HNF4G: variants seen among roughly 807,000 people sequenced by gnomAD.
The protein encoded by HNF4G is hepatocyte nuclear factor 4-gamma.
HNF4G carries 21 observed loss-of-function variants against 50.9 expected under a neutral mutation model. The ratio of observed to expected loss-of-function variants is 0.41; its 90% CI spans 0.29 to 0.59. HNF4G has a LOEUF of 0.59. HNF4G is among the 20% of genes least tolerant of loss of function. The pLI, the probability that HNF4G is intolerant of heterozygous loss-of-function variation, is 0.26. For synonymous variants in HNF4G, 198 were observed against 185.6 expected, an observed-to-expected ratio of 1.07 and a Z score of -0.54; for missense variants, 527 against 559.4, an observed-to-expected ratio of 0.94 and a Z score of 0.58.
At chr8:75,450,845 T>C (rs1360055472) in intron 1 of HNF4G, among the ~76,000 whole-genome samples, 2 of 152,238 alleles carry the variant, frequency 1.3e-5, no homozygotes, top group Admixed American at 6.5e-5. Context: ...GAGTGGGTCA[T>C]TATCTCTAGA....
intron 1 of HNF4G, among the ~76,000 whole-genome samples, chr8:75,446,964 G>A (rs1038421957): frequency 7.0e-5 from 10 of 143,540 alleles, no homozygotes; most frequent in East Asian, 4.2e-4. Flanking sequence ...AAAAGAGCCC[G>A]CATCGCCAAG....
intron 1 of HNF4G, among the ~76,000 whole-genome samples, chr8:75,469,516 G>A (rs1035662829): frequency 6.6e-6 from 1 of 152,070 alleles, no homozygotes; most frequent in Non-Finnish European, 1.5e-5. Flanking sequence ...AATTAAAAAG[G>A]TTACTACTCA....
At chr8:75,430,577 G>A (rs1206703834) in intron 1 of HNF4G, among the ~76,000 whole-genome samples, 1 of 151,634 alleles carries the variant, frequency 6.6e-6, no homozygotes, top group Non-Finnish European at 1.5e-5. Flanking sequence ...TGAAGGAAAA[G>A]GAAAGTTTCA....
chr8:75,440,060 A>G (rs1157858571), intron 1 of HNF4G, among the ~76,000 whole-genome samples: 1 of 152,136 alleles, frequency 6.6e-6, no homozygotes, highest in Admixed American at 6.5e-5. Context: ...ACATTATCTT[A>G]ATGAAACTTA....
upstream of HNF4G, among the ~76,000 whole-genome samples, chr8:75,538,502 A>G: frequency 6.6e-6 from 1 of 152,158 alleles, no homozygotes; most frequent in Non-Finnish European, 1.5e-5. Context: ...TTCATAGATT[A>G]GAAAGTTTGT....
chr8:75,552,468 T>C (rs902326157), intron 4 of HNF4G, among the ~76,000 whole-genome samples: 2 of 152,144 alleles, frequency 1.3e-5, no homozygotes, highest in Non-Finnish European at 2.9e-5. Flanking sequence ...AATTTACAAA[T>C]CTTACAAATT....
At chr8:75,552,238 C>T (rs1408913865) in intron 4 of HNF4G, among the ~76,000 whole-genome samples, 1 of 152,080 alleles carries the variant, frequency 6.6e-6, no homozygotes, top group Admixed American at 6.6e-5. Flanking sequence ...ATGAGGTTAA[C>T]ATCACCGTTA....
At chr8:75,469,419 A>T (rs527462862) in intron 1 of HNF4G, among the ~76,000 whole-genome samples, 3 of 152,316 alleles carry the variant, frequency 2.0e-5, no homozygotes, top group African/African-American at 4.8e-5. Context: ...TATGAATCTG[A>T]GGATTCTTGG....
intron 1 of HNF4G, among the ~76,000 whole-genome samples, chr8:75,458,875 CTA>C (rs1491456474): frequency 6.6e-6 from 1 of 152,054 alleles, no homozygotes; most frequent in Non-Finnish European, 1.5e-5. Context: ...ATTTTAACTG[CTA>C]TTTAATGGAT....
At chr8:75,550,527 G>A (rs116452658) in intron 3 of HNF4G, among the ~76,000 whole-genome samples, 218 of 152,026 alleles carry the variant, frequency 1.4e-3, no homozygotes, top group African/African-American at 5.1e-3. Context: ...TGGCCAGGTT[G>A]GTCTCGTACT....
intron 1 of HNF4G, among the ~76,000 whole-genome samples, chr8:75,542,139 A>AT (rs754503129): frequency 6.6e-6 from 1 of 151,628 alleles, no homozygotes; most frequent in Non-Finnish European, 1.5e-5. Context: ...TGTCTCTACA[A>AT]TAAAAAAAAA....
At chr8:75,474,547 T>C (rs1198747282) in intron 1 of HNF4G, among the ~76,000 whole-genome samples, 3 of 152,116 alleles carry the variant, frequency 2.0e-5, no homozygotes, top group African/African-American at 7.2e-5. Flanking sequence ...TTGAGAAAGT[T>C]AGAAATCTAA....
intron 1 of HNF4G, among the ~76,000 whole-genome samples, chr8:75,443,405 T>C (rs953430490): frequency 1.3e-5 from 2 of 152,232 alleles, no homozygotes; most frequent in African/African-American, 2.4e-5. Flanking sequence ...TTCTGAATTA[T>C]TGCAATAATT....
At chr8:75,433,088 C>T (rs1170917039) in intron 1 of HNF4G, among the ~76,000 whole-genome samples, 1 of 152,044 alleles carries the variant, frequency 6.6e-6, no homozygotes, top group Non-Finnish European at 1.5e-5. Context: ...CCAAACTGCT[C>T]CCAAATTTCT....
intron 1 of HNF4G, among the ~76,000 whole-genome samples, chr8:75,476,789 C>A (rs1181923676): frequency 6.6e-6 from 1 of 152,104 alleles, no homozygotes; most frequent in Non-Finnish European, 1.5e-5. Context: ...TCCAAATTTG[C>A]CAGCCAGATA....
At chr8:75,533,667 A>G (rs1162514040) in intron 2 of HNF4G, among the ~76,000 whole-genome samples, 12 of 151,962 alleles carry the variant, frequency 7.9e-5, no homozygotes, top group Non-Finnish European at 1.8e-4. Context: ...ACTATTTTCT[A>G]AAAATACATT....
chr8:75,466,571 T>A, intron 1 of HNF4G, among the ~76,000 whole-genome samples: 1 of 54,426 alleles, frequency 1.8e-5, no homozygotes, highest in Non-Finnish European at 3.4e-5. Context: ...CTTTTCTCGC[T>A]CCTTCCTTCC....
upstream of HNF4G, among the ~76,000 whole-genome samples, chr8:75,537,427 G>T (rs1806494423): frequency 2.0e-5 from 3 of 151,842 alleles, no homozygotes; most frequent in South Asian, 6.2e-4. Flanking sequence ...TGTATTTTTA[G>T]TAGAGATAGC....
intron 1 of HNF4G, among the ~76,000 whole-genome samples, chr8:75,413,843 A>T (rs1357065536): frequency 6.6e-6 from 1 of 151,452 alleles, no homozygotes; most frequent in African/African-American, 2.4e-5. Flanking sequence ...GACGACAAAG[A>T]GAGACTTTGT....
Sources: allele counts gnomAD v4.1 joint callset (sites outside exome capture counted in the v4.1 genomes callset), GRCh38; gene constraint gnomAD v4.1.1; transcripts MANE v1.5; gene names NCBI Gene and HGNC (gene_info 2026-07-23, HGNC 2026-07-21).